The following NTM variants were observed in gnomAD, a reference collection of about 807,000 sequenced individuals.
NTM encodes IgLON family member 2.
Under a neutral mutation model 42.1 loss-of-function variants are expected in NTM, and 13 were observed. That is an observed-to-expected ratio of 0.31 (90% confidence interval 0.20 to 0.49). The LOEUF is 0.49. Among genes scored for constraint, NTM ranks in the 20% least tolerant of loss-of-function variants. NTM has a pLI of 0.99. For missense variants in NTM, 373 were observed against 452.8 expected (o/e 0.82, Z 1.60); for synonymous variants, 187 against 179.2 (o/e 1.04, Z -0.35).
At chr11:131,547,595 G>A (rs558417194) in intron 1 of NTM, among the ~76,000 whole-genome samples, 1 of 152,160 alleles carries the variant, frequency 6.6e-6, no homozygotes, top group Non-Finnish European at 1.5e-5. Flanking sequence ...GTGTGTGTCT[G>A]GTTATGCCCT....
chr11:131,440,205 A>T (rs1281756459), intron 1 of NTM, among the ~76,000 whole-genome samples: 1 of 151,926 alleles, frequency 6.6e-6, no homozygotes, highest in African/African-American at 2.4e-5. Context: ...TTAACCTATA[A>T]CTTCTTTTAA....
intron 1 of NTM, among the ~76,000 whole-genome samples, chr11:131,452,247 C>T (rs1447912519): frequency 1.3e-5 from 2 of 152,200 alleles, no homozygotes; most frequent in Admixed American, 6.5e-5. Flanking sequence ...GCTGTGCTGC[C>T]GAGCGCCCCG....
chr11:132,100,498 C>A (rs1165290378), intron 2 of NTM, among the ~76,000 whole-genome samples: 1 of 152,218 alleles, frequency 6.6e-6, no homozygotes, highest in African/African-American at 2.4e-5. Flanking sequence ...GCTTCTGTGA[C>A]AGTTGAATTA....
chr11:131,913,367 T>C (rs184297278), intron 2 of NTM, among the ~76,000 whole-genome samples: 1 of 152,168 alleles, frequency 6.6e-6, no homozygotes, highest in Admixed American at 6.5e-5. Context: ...AAGGTAGCTC[T>C]GTAGAGACTT....
At chr11:131,371,840 C>T (rs771340965) in intron 1 of NTM, among the ~76,000 whole-genome samples, 1 of 152,192 alleles carries the variant, frequency 6.6e-6, no homozygotes, top group Non-Finnish European at 1.5e-5. Flanking sequence ...AGCTAAAACT[C>T]GTAAGGATCG....
rs185933661 is a variant in NTM at position 131,733,863 on chromosome 11, A to C, written c.83-177701A>C. 2.0e-5 allele frequency among the ~76,000 whole-genome samples: 3 copies of C among 152,320 alleles called. No homozygotes were observed. The East Asian group carries it at 5.8e-4, about 29-fold the overall frequency. The stretch of plus-strand genomic sequence containing the variant: ...TGAAATGTTATTTTCATAGCTGCAT[A>C]ATAATCTATCATATGGATATGTCAT... On this transcript the variant is annotated intron_variant, in intron 1 of 8. Coordinates refer to ENST00000683400, the MANE Select transcript of NTM (RefSeq NM_001352005.2).
chr11:131,621,662 G>GTT (rs2062565799), intron 1 of NTM, among the ~76,000 whole-genome samples: 1 of 125,176 alleles, frequency 8.0e-6, no homozygotes, highest in East Asian at 2.4e-4. Context: ...AAAAAAAAAA[G>GTT]TTTTCTTTAA....
chr11:132,184,735 A>T (rs2078133239), intron 3 of NTM, among the ~76,000 whole-genome samples: 1 of 152,234 alleles, frequency 6.6e-6, no homozygotes, highest in South Asian at 2.1e-4. Flanking sequence ...TAATTACACA[A>T]GATGAATTTG....
intron 1 of NTM, among the ~76,000 whole-genome samples, chr11:131,434,548 G>A (rs576631636): frequency 6.6e-6 from 1 of 152,262 alleles, no homozygotes; most frequent in East Asian, 1.9e-4. Context: ...GTGATGATGA[G>A]TGTTTTTTTC....
At chr11:131,910,738 G>A in intron 1 of NTM, 2 of 703,418 alleles carry the variant, frequency 2.8e-6, no homozygotes, top group African/African-American at 3.9e-5. Context: ...TGGGGCCGCC[G>A]CGGTCCGCTC....
At chr11:131,871,395 A>G (rs1455572177) in intron 1 of NTM, among the ~76,000 whole-genome samples, 1 of 152,244 alleles carries the variant, frequency 6.6e-6, no homozygotes, top group Non-Finnish European at 1.5e-5. Flanking sequence ...TAGGTGGAAT[A>G]TAAATCATGA....
At chr11:132,041,741 A>G (rs936082649) in intron 2 of NTM, among the ~76,000 whole-genome samples, 4 of 152,192 alleles carry the variant, frequency 2.6e-5, no homozygotes, top group African/African-American at 9.7e-5. Flanking sequence ...CCTGAATGAT[A>G]GTGGAATGAC....
chr11:131,789,554 AAGAAG>A (rs2090294813), intron 1 of NTM, among the ~76,000 whole-genome samples: 2 of 13,914 alleles, frequency 1.4e-4, no homozygotes, highest in Non-Finnish European at 1.3e-4. Flanking sequence ...AGAAAAGAAG[AAGAAG>A]AAGAAGAAGA....
chr11:131,841,693 C>T (rs540887446), intron 1 of NTM, among the ~76,000 whole-genome samples: 1 of 152,186 alleles, frequency 6.6e-6, no homozygotes, highest in African/African-American at 2.4e-5. Flanking sequence ...TAAGGGAGCC[C>T]TATTGAGGGG....
At chr11:131,554,511 C>T (rs2055125240) in intron 1 of NTM, among the ~76,000 whole-genome samples, 2 of 148,478 alleles carry the variant, frequency 1.3e-5, no homozygotes, top group African/African-American at 2.5e-5. Context: ...ATATAAAGGT[C>T]ACCTGCAAAC....
intron 1 of NTM, among the ~76,000 whole-genome samples, chr11:131,781,376 T>C (rs1327455194): frequency 6.6e-6 from 1 of 151,968 alleles, no homozygotes. Context: ...ATTCAAATAA[T>C]AAATAATTGT....
chr11:131,603,463 G>A (rs886344677), intron 1 of NTM, among the ~76,000 whole-genome samples: 6 of 152,004 alleles, frequency 3.9e-5, no homozygotes, highest in Non-Finnish European at 8.8e-5. Flanking sequence ...CGTGGCTTCC[G>A]TTACTGCCAT....
intron 1 of NTM, among the ~76,000 whole-genome samples, chr11:131,415,718 C>A (rs766852304): frequency 5.3e-5 from 8 of 152,154 alleles, no homozygotes; most frequent in Non-Finnish European, 1.0e-4. Flanking sequence ...GCCCAGAAAT[C>A]TGTATTTTAA....
At chr11:131,636,094 A>T (rs2064338058) in intron 1 of NTM, among the ~76,000 whole-genome samples, 1 of 152,194 alleles carries the variant, frequency 6.6e-6, no homozygotes, top group Non-Finnish European at 1.5e-5. Flanking sequence ...TGGTTAAGTG[A>T]CAAGAGGCTG....
Sources: allele counts gnomAD v4.1 joint callset (sites outside exome capture counted in the v4.1 genomes callset), GRCh38; gene constraint gnomAD v4.1.1; transcripts MANE v1.5; gene names NCBI Gene and HGNC (gene_info 2026-07-23, HGNC 2026-07-21).